The following CWC27 variants were observed in gnomAD, a reference collection of about 807,000 sequenced individuals.
CWC27 encodes CWC27 spliceosome associated cyclophilin.
Under a neutral mutation model 63.6 loss-of-function variants are expected in CWC27, and 47 were observed. That is an observed-to-expected ratio of 0.74 (90% CI 0.58 to 0.94). CWC27 has a LOEUF of 0.94. Among genes scored for constraint, CWC27 ranks in the 40% least tolerant of loss-of-function variants. CWC27 has a pLI of 0.00. For synonymous variants in CWC27, 175 were observed against 179.8 expected (o/e 0.97, Z 0.22); for missense variants, 495 against 554.3 (o/e 0.89, Z 1.07).
chr5:64,802,250 G>A (rs1744514167), intron 9 of CWC27, among the ~76,000 whole-genome samples: 2 of 152,156 alleles, frequency 1.3e-5, no homozygotes, highest in South Asian at 4.1e-4. Context: ...GAAGAGCAAG[G>A]AAGAAGAGTA....
chr5:64,950,656 AG>A (rs556021181), intron 11 of CWC27, among the ~76,000 whole-genome samples: 2 of 152,132 alleles, frequency 1.3e-5, no homozygotes, highest in African/African-American at 4.8e-5. Context: ...CATACAATAA[AG>A]TTCACCAATT....
chr5:64,997,989 G>A (rs1749667189), intron 13 of CWC27, among the ~76,000 whole-genome samples: 1 of 152,072 alleles, frequency 6.6e-6, no homozygotes, highest in African/African-American at 2.4e-5. Flanking sequence ...GACCAACGTG[G>A]TCCTTTATAA....
At chr5:64,845,040 C>A in intron 10 of CWC27, 1 of 456,672 alleles carries the variant, frequency 2.2e-6, no homozygotes, top group Non-Finnish European at 4.4e-6. Context: ...GAGAAGCCAT[C>A]ACAGTTTCTA....
intron 10 of CWC27, among the ~76,000 whole-genome samples, chr5:64,875,960 T>C (rs1270401925): frequency 6.6e-6 from 1 of 152,132 alleles, no homozygotes; most frequent in East Asian, 1.9e-4. Flanking sequence ...TAGTTCTTTC[T>C]TACAACAACC....
At chr5:64,960,883 G>A (rs891819148) in intron 11 of CWC27, among the ~76,000 whole-genome samples, 1 of 149,558 alleles carries the variant, frequency 6.7e-6, no homozygotes, top group Non-Finnish European at 1.5e-5. Context: ...GAGTAGCTGT[G>A]ACTACACGCC....
intron 10 of CWC27, chr5:64,808,126 G>C (rs1744753567): frequency 9.3e-7 from 1 of 1,077,284 alleles, no homozygotes. Flanking sequence ...AGTATCACTT[G>C]GGAACTTGTT....
Position 64,970,100 on chromosome 5 carries a change from G to A in CWC27, c.1043-1603G>A, listed in dbSNP as rs142064502. Among the ~76,000 whole-genome samples the A allele has an allele frequency of 2.0e-5, 3 of 152,186 alleles. No individual in the cohort carries two copies. In the East Asian group the frequency reaches 5.8e-4, roughly 29 times the overall value. On this transcript the variant is annotated intron_variant, in intron 11 of 13. Transcript: ENST00000381070. Reference sequence around the variant, plus strand: ...TAACTGCCTCATGTAGGGATCCTAAGTCATCTTAAAGTGCTTGCTCTTTAT... The same window carrying A: ...TAACTGCCTCATGTAGGGATCCTAAATCATCTTAAAGTGCTTGCTCTTTAT...
chr5:64,931,865 A>G (rs1362107222), intron 11 of CWC27, among the ~76,000 whole-genome samples: 1 of 152,078 alleles, frequency 6.6e-6, no homozygotes, highest in African/African-American at 2.4e-5. Flanking sequence ...TTTATTTTAA[A>G]TGATTTATAG....
At chr5:64,848,639 A>G (rs1746050433) in intron 10 of CWC27, among the ~76,000 whole-genome samples, 1 of 152,210 alleles carries the variant, frequency 6.6e-6, no homozygotes, top group Admixed American at 6.5e-5. Flanking sequence ...ATTCTCTACC[A>G]TGATCAAATG....
intron 3 of CWC27, among the ~76,000 whole-genome samples, 184 bp downstream of exon 3, chr5:64,782,217 G>A (rs570318973): frequency 2.0e-4 from 30 of 152,192 alleles, no homozygotes; most frequent in African/African-American, 7.2e-4. Context: ...GGAAGCCGAG[G>A]GGGGCGGATC....
intron 7 of CWC27, among the ~76,000 whole-genome samples, chr5:64,795,643 T>C (rs1423995075): frequency 6.6e-6 from 1 of 152,168 alleles, no homozygotes; most frequent in African/African-American, 2.4e-5. Context: ...TAAAATTGAC[T>C]CTATTGCTTC....
At chr5:64,919,040 G>A (rs1238870423) in intron 11 of CWC27, among the ~76,000 whole-genome samples, 2 of 152,192 alleles carry the variant, frequency 1.3e-5, no homozygotes, top group African/African-American at 4.8e-5. Flanking sequence ...GTTCCATGGA[G>A]AAATGCAGGG....
chr5:64,982,917 A>T (rs1188781832), intron 13 of CWC27, among the ~76,000 whole-genome samples: 2 of 152,118 alleles, frequency 1.3e-5, no homozygotes, highest in Non-Finnish European at 2.9e-5. Context: ...CTGTCACATC[A>T]ACGGCGGCAT....
chr5:64,857,950 A>G (rs1036463098), intron 10 of CWC27, among the ~76,000 whole-genome samples: 1 of 148,714 alleles, frequency 6.7e-6, no homozygotes, highest in Non-Finnish European at 1.5e-5. Flanking sequence ...ATCCTGGCTA[A>G]CACGGTGAAA....
chr5:64,950,223 C>T (rs1748678474), intron 11 of CWC27, among the ~76,000 whole-genome samples: 1 of 151,740 alleles, frequency 6.6e-6, no homozygotes, highest in African/African-American at 2.4e-5. Context: ...TATTGCTGGT[C>T]CAGAACAAAT....
intron 13 of CWC27, among the ~76,000 whole-genome samples, chr5:64,994,243 T>TAG (rs1444103026): frequency 6.6e-6 from 1 of 152,122 alleles, no homozygotes; most frequent in African/African-American, 2.4e-5. Context: ...CATACCTCCT[T>TAG]TTTCTCCCTT....
chr5:64,821,979 A>G (rs2112247793), intron 10 of CWC27, among the ~76,000 whole-genome samples: 1 of 152,304 alleles, frequency 6.6e-6, no homozygotes, highest in East Asian at 1.9e-4. Context: ...TGTCTGCCGG[A>G]ATTGGTAGAA....
intron 13 of CWC27, among the ~76,000 whole-genome samples, chr5:64,993,229 G>A (rs998732308): frequency 2.0e-5 from 3 of 152,134 alleles, no homozygotes; most frequent in Admixed American, 2.0e-4. Context: ...TGGTACTAGG[G>A]TAGTATTGGT....
At chr5:64,885,338 T>C (rs181008732) in intron 10 of CWC27, 105 bp from the exon 11 acceptor site, 1 of 680,942 alleles carries the variant, frequency 1.5e-6, no homozygotes, top group South Asian at 2.3e-5. Context: ...AATTACATTA[T>C]TCACTTTATT....
Sources: gnomAD v4.1 joint callset for allele counts (sites outside exome capture counted in the v4.1 genomes callset) on GRCh38, gnomAD v4.1.1 for gene constraint, MANE v1.5 for transcripts, NCBI Gene and HGNC (gene_info 2026-07-23, HGNC 2026-07-21) for gene names.